Variants in MMP12 observed in about 807,000 individuals in gnomAD.
The protein encoded by MMP12 is matrix metallopeptidase 12.
Under a neutral mutation model 45.2 loss-of-function variants are expected in MMP12, and 51 were observed. The observed-to-expected ratio is 1.13, with a 90% confidence interval of 0.90 to 1.42. The LOEUF (loss-of-function observed/expected upper bound fraction) is 1.42, where lower values mean the gene tolerates loss of function less well. MMP12 is among the 40% of genes most tolerant of loss of function. The probability of loss-of-function intolerance (pLI) is 0.00; values close to 1 mark genes in which losing one functional copy is unlikely to be tolerated. For synonymous variants in MMP12, 210 were observed against 193.3 expected, an observed-to-expected ratio of 1.09 and a Z score of -0.72; for missense variants, 530 against 570.8, an observed-to-expected ratio of 0.93 and a Z score of 0.73.
chr11:102,867,261 T>C lies in MMP12; in HGVS notation c.911+9A>G. On this transcript the variant is annotated intron_variant, in intron 6 of 9. Transcript: ENST00000571244. ...CTTTAATATTGGTTAGATATGAAAA[T>C]GATCCTACCTGTCTTTGAAGAAAAA... 1.3e-6 allele frequency: 2 copies of C among 1,574,194 alleles called. No individual in the cohort carries two copies. The highest frequency in any genetic ancestry group is 1.7e-6 in the Non-Finnish European group (2 of 1,163,702).
intron 1 of MMP12, among the ~76,000 whole-genome samples, 181 bp downstream of exon 1, chr11:102,874,655 T>C (rs782357981): frequency 3.3e-5 from 5 of 152,216 alleles, no homozygotes; most frequent in Non-Finnish European, 5.9e-5. Flanking sequence ...CCAATACCTC[T>C]TTTTTATATT....
chr11:102,873,843 A>G (rs1263907398), intron 1 of MMP12, among the ~76,000 whole-genome samples: 1 of 152,056 alleles, frequency 6.6e-6, no homozygotes, highest in Non-Finnish European at 1.5e-5. Flanking sequence ...AGCCTGGGCA[A>G]CAGGGTGAAA....
intron 5 of MMP12, 73 bp downstream of exon 5, chr11:102,867,835 A>T: frequency 6.9e-7 from 1 of 1,447,682 alleles, no homozygotes; most frequent in Non-Finnish European, 9.4e-7. Flanking sequence ...GTTTTATCCA[A>T]ATATAGATAT....
At chr11:102,872,270 C>T (rs2134423791) in intron 2 of MMP12, among the ~76,000 whole-genome samples, 1 of 152,200 alleles carries the variant, frequency 6.6e-6, no homozygotes, top group South Asian at 2.1e-4. Context: ...TATAAACTTC[C>T]CTGTCTCTTC....
At chr11:102,871,055 A>G (rs1555009250) in intron 4 of MMP12, among the ~76,000 whole-genome samples, 1 of 152,102 alleles carries the variant, frequency 6.6e-6, no homozygotes, top group African/African-American at 2.4e-5. Flanking sequence ...ACATAGCAAG[A>G]TCCTGTCCCT....
Position 102,874,854 on chromosome 11 carries a change from AT to A in MMP12, c.83del (p.Asn28IlefsTer10), listed in dbSNP as rs782420171. 1.0e-5 allele frequency: 16 copies of A among 1,603,416 alleles called. No individual in the cohort carries two copies. Among genetic ancestry groups the A allele is most frequent in the Admixed American group, 1.7e-5 (1 of 58,768 alleles). ...TACTTACTTCACCAAATAGCACATT[AT>A]TTTTTTCCAGGCTTGTAGAGCTGTT... ...PLNSSTSLEK[N>X]NVLFGERYLE... On this transcript the variant is annotated frameshift_variant, in exon 1 of 10. Coordinates refer to ENST00000571244, the MANE Select transcript of MMP12 (RefSeq NM_002426.6). LOFTEE classifies it high-confidence loss of function.
chr11:102,866,359 G>A lies in MMP12; in HGVS notation c.1001C>T (p.Ala334Val), dbSNP rs782784862. 4 of 1,599,898 alleles carry A rather than the reference G, an allele frequency of 2.5e-6. No individual in the cohort carries two copies. Among genetic ancestry groups the A allele is most frequent in the Admixed American group, 3.5e-5 (2 of 57,772 alleles). The change falls in exon 7 of 10, where the codon GCT becomes GTT. Residue 334 changes from alanine to valine, a missense_variant. Coordinates refer to ENST00000571244, the MANE Select transcript of MMP12 (RefSeq NM_002426.6). Reference protein sequence around the residue: ...LWPTLPSGIEAAYEIEARNQV... With the variant: ...LWPTLPSGIEVAYEIEARNQV... The stretch of plus-strand genomic sequence containing the variant: ...ATTTCTGGCTTCAATTTCATAAGCA[G>A]CTTCAATGCCAGATGGCAAGGTTGG...
In MMP12 at chr11:102,865,549, G is replaced by GT. The variant is rs1301491992; in HGVS notation, c.1205+226dup. 1.7e-4 allele frequency among the ~76,000 whole-genome samples: 26 copies of GT among 151,378 alleles called. No homozygotes were observed. Among genetic ancestry groups the GT allele is most frequent in the African/African-American group, 2.9e-4 (12 of 41,198 alleles). On this transcript the variant is annotated intron_variant, in intron 8 of 9. Coordinates refer to ENST00000571244, the MANE Select transcript of MMP12 (RefSeq NM_002426.6). This position sits in a 1 kb window ranked among gnomAD's most constrained non-coding sequence, Gnocchi z 4.1. The stretch of plus-strand genomic sequence containing the variant: ...AATAAGATGACATTTTATTTAGAGT[G>GT]TTTTTTTAAAAAAAAACACACATTA...
chr11:102,871,952 TC>T lies in MMP12; in HGVS notation c.351-1del. The T allele has an allele frequency of 6.2e-7, 1 of 1,602,672 alleles. No individual in the cohort carries two copies. The highest frequency in any genetic ancestry group is 1.1e-5 in the South Asian group (1 of 88,288). ...TCATGTCAGGTGTGTAATTATTGAT[TC>T]TTTATCAGCAAAAAGAGAGAGAAAA... On this transcript the variant is annotated splice_acceptor_variant, in intron 2 of 9. Transcript: ENST00000571244. LOFTEE classifies it high-confidence loss of function.
Position 102,872,859 on chromosome 11 carries a change from C to T in MMP12, c.350+6G>A, listed in dbSNP as rs147932918. ...AAAAATACAGGGCGACATACACCAA[C>T]GTTACCTGTAGGTGATATAATGTTT... On this transcript the variant is annotated splice_donor_region_variant and intron_variant, in intron 2 of 9. Coordinates refer to ENST00000571244, the MANE Select transcript of MMP12 (RefSeq NM_002426.6). 8 of 1,613,292 alleles carry T rather than the reference C, an allele frequency of 5.0e-6. No individual in the cohort carries two copies. The highest frequency in any genetic ancestry group is 4.0e-5 in the African/African-American group (3 of 74,914).
intron 7 of MMP12, 97 bp from the exon 8 acceptor site, chr11:102,866,032 T>C: frequency 1.0e-6 from 1 of 986,892 alleles, no homozygotes; most frequent in Non-Finnish European, 1.5e-6. Flanking sequence ...TTTCCAACAG[T>C]TATAATATTT....
intron 6 of MMP12, 108 bp downstream of exon 6, chr11:102,867,162 G>T: frequency 3.9e-6 from 4 of 1,034,358 alleles, no homozygotes; most frequent in Non-Finnish European, 4.0e-6. Context: ...CCAAGTTCCT[G>T]CTTACAAGTT....
intron 4 of MMP12, 122 bp from the exon 5 acceptor site, chr11:102,868,191 G>C: frequency 1.1e-6 from 1 of 898,956 alleles, no homozygotes; most frequent in Non-Finnish European, 1.7e-6. Context: ...TTACCCTTTT[G>C]AGTTGGGTTT....
At chr11:102,867,191 A>G in intron 6 of MMP12, 79 bp downstream of exon 6, 1 of 1,307,238 alleles carries the variant, frequency 7.6e-7, no homozygotes, top group Non-Finnish European at 1.0e-6. Context: ...TTCATTTTCA[A>G]TTATTTTCCA....
chr11:102,871,358 T>C (rs904360775), intron 4 of MMP12, among the ~76,000 whole-genome samples: 2 of 152,176 alleles, frequency 1.3e-5, no homozygotes, highest in Admixed American at 1.3e-4. Flanking sequence ...TTAGAGCTGA[T>C]CTTCAAGATG....
chr11:102,867,532 G>T, intron 5 of MMP12, 139 bp from the exon 6 acceptor site: 1 of 901,060 alleles, frequency 1.1e-6, no homozygotes, highest in Non-Finnish European at 1.6e-6. Flanking sequence ...ACATTCACAG[G>T]AAGTATAAAG....
At position 102,872,922 on chromosome 11, in the gene MMP12, T is replaced by C. The variant is rs200850574; in HGVS notation, c.293A>G (p.His98Arg). ...HAPRCGVPDV[H>R]HFREMPGGPV... is the part of the protein sequence containing the mutation. The stretch of plus-strand genomic sequence containing the variant: ...CCCCCCTGGCATTTCCCTGAAATGA[T>C]GGACATCGGGGACTCCACATCGAGG... Residue 98 changes from histidine (H) to arginine (R), a missense_variant, in exon 2 of 10, where the codon CAT becomes CGT. Physicochemically the swap from His to Arg is conservative, Grantham distance 29. Coordinates refer to ENST00000571244, the MANE Select transcript of MMP12 (RefSeq NM_002426.6). 7.4e-6 allele frequency: 12 copies of C among 1,613,740 alleles called. No homozygotes were observed. The highest frequency in any genetic ancestry group is 2.7e-5 in the African/African-American group (2 of 74,908).
rs188003361 is a variant in MMP12 at position 102,871,862 on chromosome 11, C to A, written c.441G>T (p.Leu147Phe). The A allele has an allele frequency of 7.0e-4, 1,130 of 1,613,728 alleles. 1 individual carries two copies. The highest frequency in any genetic ancestry group is 1.5e-3 in the Admixed American group (89 of 59,986). Reference protein sequence around the residue: ...AFQVWSNVTPLKFSKINTGMA... With the variant: ...AFQVWSNVTPFKFSKINTGMA... ...TGCCTGTGTTAATCTTGCTGAATTT[C>A]AAGGGGGTAACATTACTCCATACTT... Residue 147 changes from leucine to phenylalanine, a missense_variant, in exon 3 of 10, where the codon TTG (leucine) becomes TTT (phenylalanine). Transcript: ENST00000571244.
intron 4 of MMP12, among the ~76,000 whole-genome samples, chr11:102,870,918 T>C (rs776285140): frequency 6.6e-6 from 1 of 152,212 alleles, no homozygotes; most frequent in Non-Finnish European, 1.5e-5. Context: ...CCTCTAATTG[T>C]TGGCACACAC....
Sources: gnomAD v4.1 joint callset for allele counts (sites outside exome capture counted in the v4.1 genomes callset) on GRCh38, gnomAD v4.1.1 for gene constraint, Gnocchi (gnomAD v3.1) non-coding constraint, MANE v1.5 for transcripts, NCBI Gene and HGNC (gene_info 2026-07-23, HGNC 2026-07-21) for gene names.